ARHGAP24: variants seen among roughly 807,000 people sequenced by gnomAD.
ARHGAP24 encodes rho GTPase-activating protein 24.
Under a neutral mutation model 76.4 loss-of-function variants are expected in ARHGAP24, and 50 were observed. That is an observed-to-expected ratio of 0.65 (90% CI 0.52 to 0.83). The LOEUF is 0.83. ARHGAP24 is among the 40% of genes least tolerant of loss of function. The pLI is 0.00. For missense variants in ARHGAP24, 930 were observed against 914.2 expected (o/e 1.02, Z -0.22); for synonymous variants, 345 against 323.3 (o/e 1.07, Z -0.72).
chr4:85,760,275 T>C (rs964792194), intron 3 of ARHGAP24, among the ~76,000 whole-genome samples: 3 of 152,192 alleles, frequency 2.0e-5, no homozygotes, highest in African/African-American at 7.2e-5. Context: ...TGCTAAAATA[T>C]TATTCAGTGT....
At chr4:85,970,949 A>G (rs1365802153) in intron 5 of ARHGAP24, among the ~76,000 whole-genome samples, 1 of 152,220 alleles carries the variant, frequency 6.6e-6, no homozygotes, top group Admixed American at 6.5e-5. Flanking sequence ...AATATAAGAT[A>G]CAGAAGACAA....
At chr4:85,521,063 A>G (rs1268295149) in intron 1 of ARHGAP24, among the ~76,000 whole-genome samples, 1 of 152,182 alleles carries the variant, frequency 6.6e-6, no homozygotes, top group African/African-American at 2.4e-5. Flanking sequence ...GACACGGATC[A>G]GAGCTTTTTT....
At chr4:85,544,755 A>G (rs1300430118) in intron 1 of ARHGAP24, among the ~76,000 whole-genome samples, 1 of 152,164 alleles carries the variant, frequency 6.6e-6, no homozygotes, top group Non-Finnish European at 1.5e-5. Flanking sequence ...TGAGTCAGAC[A>G]TGTTAAAATA....
intron 3 of ARHGAP24, among the ~76,000 whole-genome samples, chr4:85,755,236 T>TAA: frequency 6.6e-6 from 1 of 152,284 alleles, no homozygotes; most frequent in African/African-American, 2.4e-5. Context: ...ACCATCCCAG[T>TAA]GTACTTATGG....
chr4:85,729,039 TCTTAA>T (rs1725285822), intron 3 of ARHGAP24, among the ~76,000 whole-genome samples: 1 of 152,232 alleles, frequency 6.6e-6, no homozygotes, highest in Non-Finnish European at 1.5e-5. Flanking sequence ...CACTCCCTTA[TCTTAA>T]CTTTTTTTCT....
chr4:85,476,376 A>G (rs1029070175), intron 1 of ARHGAP24, among the ~76,000 whole-genome samples: 1 of 152,182 alleles, frequency 6.6e-6, no homozygotes, highest in Non-Finnish European at 1.5e-5. Flanking sequence ...ATTTGAATTA[A>G]ACAAGTAATT....
intron 3 of ARHGAP24, among the ~76,000 whole-genome samples, chr4:85,763,108 T>C (rs960915254): frequency 1.3e-5 from 2 of 152,212 alleles, no homozygotes; most frequent in African/African-American, 4.8e-5. Context: ...TGCCTGATTC[T>C]TATATTTTAT....
At chr4:85,498,122 G>A (rs547815029) in intron 1 of ARHGAP24, among the ~76,000 whole-genome samples, 1 of 152,334 alleles carries the variant, frequency 6.6e-6, no homozygotes, top group East Asian at 1.9e-4. Context: ...AGAACAAGGA[G>A]ATTTTTGTGA....
intron 3 of ARHGAP24, among the ~76,000 whole-genome samples, chr4:85,739,325 G>C (rs1339993685): frequency 6.6e-6 from 1 of 152,126 alleles, no homozygotes. Context: ...CATAAGTCAG[G>C]GCATTATCCT....
chr4:85,970,175 G>A (rs1738890315), intron 5 of ARHGAP24, among the ~76,000 whole-genome samples: 1 of 152,104 alleles, frequency 6.6e-6, no homozygotes, highest in South Asian at 2.1e-4. Flanking sequence ...CTTCCACTCT[G>A]GGCTCTGACC....
intron 2 of ARHGAP24, among the ~76,000 whole-genome samples, chr4:85,651,041 A>G (rs1329536099): frequency 1.4e-5 from 1 of 73,684 alleles, no homozygotes; most frequent in East Asian, 4.1e-4. Flanking sequence ...TTGGCCTTGA[A>G]GAAAGGTCTG....
chr4:85,970,306 A>G (rs934891137), intron 5 of ARHGAP24, among the ~76,000 whole-genome samples: 5 of 152,196 alleles, frequency 3.3e-5, no homozygotes, highest in Non-Finnish European at 5.9e-5. Context: ...CTTGGCTCCA[A>G]CATCATTTTC....
At chr4:85,880,757 C>T (rs1733206444) in intron 3 of ARHGAP24, among the ~76,000 whole-genome samples, 1 of 152,154 alleles carries the variant, frequency 6.6e-6, no homozygotes, top group South Asian at 2.1e-4. Flanking sequence ...TCTCGATCTC[C>T]TGACCTCGTG....
At chr4:85,624,150 T>C (rs1230681093) in intron 2 of ARHGAP24, among the ~76,000 whole-genome samples, 1 of 152,204 alleles carries the variant, frequency 6.6e-6, no homozygotes, top group Admixed American at 6.5e-5. Flanking sequence ...AGAGAGGGCA[T>C]CCCTGTCTTG....
intron 2 of ARHGAP24, among the ~76,000 whole-genome samples, chr4:85,677,945 C>A (rs1175467795): frequency 6.6e-6 from 1 of 151,754 alleles, no homozygotes; most frequent in Non-Finnish European, 1.5e-5. Context: ...AAAACTGAGG[C>A]AAGAGCATCA....
intron 3 of ARHGAP24, among the ~76,000 whole-genome samples, chr4:85,821,255 C>G (rs953968991): frequency 3.9e-5 from 6 of 152,066 alleles, no homozygotes; most frequent in Admixed American, 3.9e-4. Context: ...TAAATAGAAA[C>G]TTGTTTTCAT....
chr4:85,827,475 T>A (rs1021307183), intron 3 of ARHGAP24, among the ~76,000 whole-genome samples: 1 of 140,188 alleles, frequency 7.1e-6, no homozygotes, highest in African/African-American at 3.0e-5. Flanking sequence ...TGTGTGTGTG[T>A]GTGTGTGTGT....
intron 2 of ARHGAP24, among the ~76,000 whole-genome samples, chr4:85,709,483 G>A (rs1724441342): frequency 6.6e-6 from 1 of 151,976 alleles, no homozygotes; most frequent in South Asian, 2.1e-4. Flanking sequence ...AAATGTTAAA[G>A]AGCACAGTAT....
At chr4:85,634,928 T>C (rs771627453) in intron 2 of ARHGAP24, among the ~76,000 whole-genome samples, 4 of 151,680 alleles carry the variant, frequency 2.6e-5, no homozygotes, top group Non-Finnish European at 3.0e-5. Context: ...ACCTTATTCA[T>C]CCTCAAAGCC....
Sources: allele counts gnomAD v4.1 joint callset (sites outside exome capture counted in the v4.1 genomes callset), GRCh38; gene constraint gnomAD v4.1.1; transcripts MANE v1.5; gene names NCBI Gene and HGNC (gene_info 2026-07-23, HGNC 2026-07-21).